Variants in QKI observed in about 807,000 individuals in gnomAD.
The protein encoded by QKI is KH domain-containing RNA-binding protein QKI.
A neutral mutation model predicts 39.0 loss-of-function variants in QKI; 10 were observed. That is an observed-to-expected ratio of 0.26 (90% CI 0.16 to 0.43). The LOEUF is 0.43. QKI is among the 20% of genes least tolerant of loss of function. QKI has a pLI of 1.00. For missense variants in QKI, 218 were observed against 428.0 expected, an observed-to-expected ratio of 0.51 and a Z score of 4.33; for synonymous variants, 204 against 155.4, an observed-to-expected ratio of 1.31 and a Z score of -2.33.
intron 1 of QKI, among the ~76,000 whole-genome samples, chr6:163,444,799 T>C (rs928574454): frequency 2.6e-5 from 4 of 152,190 alleles, no homozygotes; most frequent in Non-Finnish European, 5.9e-5. Flanking sequence ...GTGATTTTTT[T>C]CCCTCAGTTT....
intron 4 of QKI, among the ~76,000 whole-genome samples, chr6:163,557,698 A>G (rs1782721581): frequency 6.6e-6 from 1 of 152,156 alleles, no homozygotes; most frequent in South Asian, 2.1e-4. Context: ...AGAAAGGATA[A>G]ATGCTTGAGT....
chr6:163,544,389 TC>T (rs1583195562), intron 4 of QKI, among the ~76,000 whole-genome samples: 1 of 152,022 alleles, frequency 6.6e-6, no homozygotes, highest in East Asian at 1.9e-4. Flanking sequence ...TGGAACCAGT[TC>T]CCCGCAGATA....
intron 1 of QKI, among the ~76,000 whole-genome samples, chr6:163,435,446 C>T (rs1007047248): frequency 2.4e-4 from 36 of 152,290 alleles, no homozygotes; most frequent in African/African-American, 7.9e-4. Context: ...TATAAAGCAA[C>T]TCTTGAGAGA....
intron 4 of QKI, among the ~76,000 whole-genome samples, chr6:163,540,933 G>A (rs936574428): frequency 2.0e-5 from 3 of 151,332 alleles, no homozygotes; most frequent in Admixed American, 1.3e-4. Context: ...TTTATCAACC[G>A]TTTTCTAAGT....
chr6:163,421,317 T>C (rs1787974668), intron 1 of QKI, among the ~76,000 whole-genome samples: 1 of 152,234 alleles, frequency 6.6e-6, no homozygotes, highest in African/African-American at 2.4e-5. Context: ...TTAAATAGTA[T>C]AGTTTCTTGT....
At chr6:163,516,013 A>G (rs562101814) in intron 3 of QKI, among the ~76,000 whole-genome samples, 8 of 56,666 alleles carry the variant, frequency 1.4e-4, no homozygotes, top group Admixed American at 4.2e-4. Context: ...CCTCATTGTG[A>G]TATAATCTGA....
chr6:163,570,329 GT>G (rs1255308884), intron 7 of QKI: 20 of 983,278 alleles, frequency 2.0e-5, no homozygotes, highest in Non-Finnish European at 2.4e-5. Context: ...TGCACTGACT[GT>G]TTAAAAATTC....
intron 6 of QKI, chr6:163,564,117 T>G: frequency 9.6e-7 from 1 of 1,039,344 alleles, no homozygotes; most frequent in African/African-American, 1.7e-5. Context: ...GTTGGAAAAT[T>G]TTTAAACTTC....
At chr6:163,546,296 G>T (rs1781870110) in intron 4 of QKI, among the ~76,000 whole-genome samples, 1 of 151,764 alleles carries the variant, frequency 6.6e-6, no homozygotes, top group Admixed American at 6.6e-5. Flanking sequence ...TGGTGGGTAA[G>T]TAGCATCATG....
At chr6:163,439,355 C>CGG (rs545402591) in intron 1 of QKI, among the ~76,000 whole-genome samples, 33 of 103,242 alleles carry the variant, frequency 3.2e-4, no homozygotes, top group African/African-American at 1.1e-3. Context: ...TTTTTTTTTT[C>CGG]GGGGGGGTGG....
Position 163,562,035 on chromosome 6 carries a change from G to A in QKI, c.600G>A (p.Leu200=). 6.2e-7 allele frequency: 1 copy of A among 1,613,600 alleles called. No individual in the cohort carries two copies. Among genetic ancestry groups the A allele is most frequent in the Non-Finnish European group, 8.5e-7 (1 of 1,179,812 alleles). ...KKMQLMELAI[L]NGTYRDANIK... ...TGCAGCTGATGGAGCTTGCGATTCTGAATGGCACCTACAGAGATGCCAACA... is the reference window on the plus strand; with the variant it reads ...TGCAGCTGATGGAGCTTGCGATTCTAAATGGCACCTACAGAGATGCCAACA... Residue 200 remains leucine, a synonymous_variant, in exon 5 of 8, where the codon CTG becomes CTA. Transcript: ENST00000361752.
At chr6:163,436,451 GA>G (rs1436455386) in intron 1 of QKI, among the ~76,000 whole-genome samples, 1 of 152,106 alleles carries the variant, frequency 6.6e-6, no homozygotes, top group Admixed American at 6.6e-5. Flanking sequence ...GAGAAAGCAA[GA>G]AAAACGTTTT....
chr6:163,457,893 A>G (rs185991948), intron 2 of QKI, among the ~76,000 whole-genome samples: 2 of 152,274 alleles, frequency 1.3e-5, no homozygotes, highest in South Asian at 2.1e-4. Flanking sequence ...GTGACTGTGT[A>G]TGGAAGGAGG....
chr6:163,461,788 G>A (rs539453434), intron 2 of QKI, among the ~76,000 whole-genome samples: 22 of 152,202 alleles, frequency 1.4e-4, no homozygotes, highest in Admixed American at 1.2e-3. Context: ...CAGTGTCTCC[G>A]GGAGTAAAAT....
At chr6:163,536,381 GCTTA>G (rs1781211205) in intron 4 of QKI, among the ~76,000 whole-genome samples, 2 of 152,120 alleles carry the variant, frequency 1.3e-5, no homozygotes, top group South Asian at 4.1e-4. Context: ...CTTTTCTGTA[GCTTA>G]CTTTATTGTA....
intron 3 of QKI, among the ~76,000 whole-genome samples, chr6:163,481,098 A>G (rs772557633): frequency 1.1e-4 from 16 of 152,350 alleles, no homozygotes; most frequent in Middle Eastern, 6.8e-3. Flanking sequence ...GGTAAAGAAC[A>G]TGAAAAGAGA....
At chr6:163,536,541 G>A (rs1781223977) in intron 4 of QKI, among the ~76,000 whole-genome samples, 1 of 152,130 alleles carries the variant, frequency 6.6e-6, no homozygotes, top group Admixed American at 6.6e-5. Flanking sequence ...CCTGACAACC[G>A]AGCCCTCCCT....
chr6:163,555,577 A>G (rs1782538322), intron 4 of QKI, among the ~76,000 whole-genome samples: 1 of 151,478 alleles, frequency 6.6e-6, no homozygotes, highest in Admixed American at 6.6e-5. Flanking sequence ...TGAGGAACAC[A>G]TAGGATGCTT....
intron 4 of QKI, among the ~76,000 whole-genome samples, chr6:163,551,544 T>TA (rs1782234709): frequency 6.6e-6 from 1 of 152,258 alleles, no homozygotes; most frequent in South Asian, 2.1e-4. Flanking sequence ...CAAAATTAAT[T>TA]ACCTCCTCTG....
Sources: allele counts gnomAD v4.1 joint callset (sites outside exome capture counted in the v4.1 genomes callset), GRCh38; gene constraint gnomAD v4.1.1; transcripts MANE v1.5; gene names NCBI Gene and HGNC (gene_info 2026-07-23, HGNC 2026-07-21).